NAT1: variants seen among roughly 807,000 people sequenced by gnomAD.
The protein encoded by NAT1 is N-acetyltransferase 1, also known as arylamine N-acetyltransferase 1.
For missense variants in NAT1, 400 were observed against 339.2 expected (o/e 1.18, Z -1.41); for synonymous variants, 144 against 122.6 (o/e 1.17, Z -1.16).
At chr8:18,215,232 C>T (rs1180988914) in intron 1 of NAT1, among the ~76,000 whole-genome samples, 2 of 152,314 alleles carry the variant, frequency 1.3e-5, no homozygotes, top group East Asian at 3.9e-4. Flanking sequence ...CAGGTTGATT[C>T]TGTCTTTGCT....
chr8:18,186,097 G>A (rs1237427499), intron 2 of NAT1, among the ~76,000 whole-genome samples: 6 of 151,292 alleles, frequency 4.0e-5, no homozygotes, highest in Non-Finnish European at 7.4e-5. Flanking sequence ...TTTGGGTGAA[G>A]TTTTCTACAT....
chr8:18,214,294 G>A (rs1018515682), intron 1 of NAT1, among the ~76,000 whole-genome samples: 3 of 152,130 alleles, frequency 2.0e-5, no homozygotes, highest in African/African-American at 7.2e-5. Context: ...CCATGAAACC[G>A]AAACTATCAG....
At chr8:18,187,039 C>A (rs2117241461) in intron 2 of NAT1, among the ~76,000 whole-genome samples, 2 of 152,222 alleles carry the variant, frequency 1.3e-5, no homozygotes, top group South Asian at 2.1e-4. Context: ...ACTTAAACAC[C>A]TGTATTCCCC....
At chr8:18,192,506 C>T (rs1166161937) in intron 2 of NAT1, among the ~76,000 whole-genome samples, 3 of 152,124 alleles carry the variant, frequency 2.0e-5, no homozygotes, top group Non-Finnish European at 4.4e-5. Context: ...ACCCAATGGA[C>T]TATAAATCAT....
At chr8:18,199,011 C>A (rs1444519973) in intron 2 of NAT1, among the ~76,000 whole-genome samples, 1 of 151,696 alleles carries the variant, frequency 6.6e-6, no homozygotes, top group Non-Finnish European at 1.5e-5. Context: ...CAACTGAAAT[C>A]TCCTTTAAGA....
At chr8:18,182,993 TTTAAA>T (rs2117226726) in intron 2 of NAT1, among the ~76,000 whole-genome samples, 1 of 152,342 alleles carries the variant, frequency 6.6e-6, no homozygotes, top group East Asian at 1.9e-4. Flanking sequence ...TAAAGTCTGT[TTTAAA>T]TTAATTTTTG....
At chr8:18,172,312 C>A (rs1341607965) in intron 2 of NAT1, among the ~76,000 whole-genome samples, 2 of 152,182 alleles carry the variant, frequency 1.3e-5, no homozygotes, top group Admixed American at 6.5e-5. Flanking sequence ...GCTTCTACCT[C>A]CCGACATGCC....
chr8:18,194,542 T>C (rs1174070624), intron 2 of NAT1, among the ~76,000 whole-genome samples: 1 of 151,934 alleles, frequency 6.6e-6, no homozygotes, highest in Admixed American at 6.6e-5. Context: ...TAAGGTTGGC[T>C]GGGCACGGTG....
chr8:18,202,245 C>T, intron 2 of NAT1, among the ~76,000 whole-genome samples: 1 of 152,086 alleles, frequency 6.6e-6, no homozygotes, highest in East Asian at 1.9e-4. Context: ...AAGTTCTGTG[C>T]CTTTGAGATA....
chr8:18,170,954 G>A (rs1023900154), intron 2 of NAT1, among the ~76,000 whole-genome samples: 17 of 151,866 alleles, frequency 1.1e-4, no homozygotes, highest in African/African-American at 3.9e-4. Context: ...TAAGAGGCCA[G>A]GCATCTGATT....
At chr8:18,217,785 A>G (rs1465548923) in intron 1 of NAT1, among the ~76,000 whole-genome samples, 1 of 152,094 alleles carries the variant, frequency 6.6e-6, no homozygotes, top group African/African-American at 2.4e-5. Flanking sequence ...TCCTGCACAA[A>G]TCTCCATTTT....
At chr8:18,197,218 G>C (rs1314040051) in intron 2 of NAT1, among the ~76,000 whole-genome samples, 1 of 152,194 alleles carries the variant, frequency 6.6e-6, no homozygotes, top group Non-Finnish European at 1.5e-5. Context: ...GGAGATTACA[G>C]TTTGAGATGA....
intron 2 of NAT1, among the ~76,000 whole-genome samples, chr8:18,193,539 A>G (rs1223098720): frequency 6.8e-6 from 1 of 147,342 alleles, no homozygotes; most frequent in African/African-American, 2.5e-5. Context: ...CTTTTCAAAA[A>G]CATACAGAAC....
intron 2 of NAT1, among the ~76,000 whole-genome samples, chr8:18,190,053 G>C (rs1271919713): frequency 6.6e-6 from 1 of 152,156 alleles, no homozygotes; most frequent in Non-Finnish European, 1.5e-5. Context: ...GCCTCCCAAA[G>C]TGCTGGGATT....
intron 2 of NAT1, among the ~76,000 whole-genome samples, chr8:18,204,097 C>G (rs1803597759): frequency 6.6e-6 from 1 of 152,170 alleles, no homozygotes; most frequent in Non-Finnish European, 1.5e-5. Context: ...AAATCAGACA[C>G]CACTTTCTCC....
In NAT1 at chr8:18,193,465, A is replaced by G. The variant is rs972874647; in HGVS notation, n.93-16316A>G. ...GAGTGAGACTCTGTCTAAAAAAAAA[A>G]ATTTATATATATATGTATATAATCT... On this transcript the variant is annotated intron_variant and non_coding_transcript_variant, in intron 2 of 4. Transcript: ENST00000517441. Among the ~76,000 whole-genome samples the G allele has an allele frequency of 1.4e-4, 20 of 144,944 alleles. 1 individual carries two copies. The highest frequency in any genetic ancestry group is 7.0e-4 in the Admixed American group (10 of 14,306).
chr8:18,188,317 G>A (rs1802826044), intron 2 of NAT1, among the ~76,000 whole-genome samples: 1 of 152,080 alleles, frequency 6.6e-6, no homozygotes, highest in Non-Finnish European at 1.5e-5. Context: ...TGTCAACTTT[G>A]ACTTCCTCCA....
chr8:18,172,416 T>C (rs1802131485), intron 2 of NAT1, among the ~76,000 whole-genome samples: 1 of 152,222 alleles, frequency 6.6e-6, no homozygotes, highest in African/African-American at 2.4e-5. Context: ...TTCTGATCAC[T>C]AGCTGGGTTG....
intron 2 of NAT1, among the ~76,000 whole-genome samples, chr8:18,179,305 T>C (rs1475722451): frequency 6.6e-6 from 1 of 152,024 alleles, no homozygotes; most frequent in African/African-American, 2.4e-5. Context: ...GCAGATAAGG[T>C]GAAAAGGTAG....
Sources: allele counts gnomAD v4.1 joint callset (sites outside exome capture counted in the v4.1 genomes callset), GRCh38; gene constraint gnomAD v4.1.1; transcripts MANE v1.5; gene names NCBI Gene and HGNC (gene_info 2026-07-23, HGNC 2026-07-21).